Variants in TMEM132B observed in about 807,000 individuals in gnomAD.
The protein encoded by TMEM132B is transmembrane protein 132B.
A neutral mutation model predicts 90.8 loss-of-function variants in TMEM132B; 18 were observed. The ratio of observed to expected loss-of-function variants is 0.20; its 90% CI spans 0.14 to 0.29. The LOEUF is 0.29. TMEM132B is among the 10% of genes least tolerant of loss of function. The probability of loss-of-function intolerance (pLI) is 1.00; values close to 1 mark genes in which losing one functional copy is unlikely to be tolerated. For missense variants in TMEM132B, 1,096 were observed against 1,326.8 expected, an observed-to-expected ratio of 0.83 and a Z score of 2.70; for synonymous variants, 504 against 523.3, an observed-to-expected ratio of 0.96 and a Z score of 0.50.
At chr12:125,472,507 G>A (rs543145182) in intron 3 of TMEM132B, among the ~76,000 whole-genome samples, 2 of 152,306 alleles carry the variant, frequency 1.3e-5, no homozygotes, top group Middle Eastern at 6.8e-3. Context: ...TTAGAATCTT[G>A]TTCTAGGACC....
At chr12:125,242,242 CT>C (rs1428248038) in intron 1 of TMEM132B, among the ~76,000 whole-genome samples, 3 of 152,150 alleles carry the variant, frequency 2.0e-5, no homozygotes, top group African/African-American at 7.2e-5. Flanking sequence ...CCTCAACCTC[CT>C]GGGCTCAAGA....
rs1593047861 is a variant in TMEM132B, at chr12:125,652,706, G to A, written c.2106+74G>A. On this transcript the variant is annotated intron_variant, in intron 8 of 8. Coordinates refer to ENST00000682704, the MANE Select transcript of TMEM132B (RefSeq NM_001366854.1). ...CTCTCAGTTAGCACATCCTGCGAAG[G>A]AGAGCAGGAGAGCCCTCACGCCTAG... 2.7e-6 allele frequency: 4 copies of A among 1,487,488 alleles called. No individual in the cohort carries two copies. The East Asian group carries it at 9.3e-5, about 35-fold the overall frequency. The allele number at this position is 1,487,488 out of a possible 1,614,324, so 92.1% of individuals were successfully genotyped here. A position where few individuals can be genotyped will look rare whatever the true frequency, so the allele number is the denominator to read the frequency against.
chr12:125,558,511 A>G (rs1181347897), intron 4 of TMEM132B, among the ~76,000 whole-genome samples: 2 of 152,216 alleles, frequency 1.3e-5, no homozygotes, highest in Admixed American at 6.5e-5. Context: ...CCTTAAATTT[A>G]GACTTTTGTG....
chr12:125,411,450 A>C (rs1204197907), intron 2 of TMEM132B, among the ~76,000 whole-genome samples: 1 of 151,822 alleles, frequency 6.6e-6, no homozygotes, highest in Non-Finnish European at 1.5e-5. Flanking sequence ...CCACCATGGC[A>C]TGGGTATACC....
chr12:125,229,900 G>A (rs1473636267), intron 1 of TMEM132B, among the ~76,000 whole-genome samples: 1 of 152,198 alleles, frequency 6.6e-6, no homozygotes, highest in Non-Finnish European at 1.5e-5. Context: ...TCATAATTTC[G>A]TCTAAAGGGT....
At position 125,234,367 on chromosome 12, in the gene TMEM132B, C is replaced by T. The variant is rs146062950; in HGVS notation, c.67+47501C>T. 6.0e-3 allele frequency among the ~76,000 whole-genome samples: 916 copies of T among 152,322 alleles called. 8 individuals carry two copies. The highest frequency in any genetic ancestry group is 0.021 in the African/African-American group (875 of 41,574). On this transcript the variant is annotated intron_variant, in intron 1 of 8. Transcript: ENST00000682704. ...ATGGCGCTTCCTCCCAACCTAATGA[C>T]TCAGCCCTGTGAACTAGAGAAGGTG...
At chr12:125,535,554 A>T (rs1291624124) in intron 4 of TMEM132B, among the ~76,000 whole-genome samples, 1 of 152,136 alleles carries the variant, frequency 6.6e-6, no homozygotes, top group East Asian at 1.9e-4. Flanking sequence ...TTTTTGTGAA[A>T]TTTTTTTAAT....
At chr12:125,214,957 C>A (rs1295142705) in intron 1 of TMEM132B, among the ~76,000 whole-genome samples, 1 of 152,214 alleles carries the variant, frequency 6.6e-6, no homozygotes, top group Non-Finnish European at 1.5e-5. Flanking sequence ...CCCTCTGAGA[C>A]TTCTGTTCTA....
intron 3 of TMEM132B, among the ~76,000 whole-genome samples, chr12:125,509,111 C>G (rs1051414052): frequency 6.6e-6 from 1 of 152,154 alleles, no homozygotes; most frequent in African/African-American, 2.4e-5. Context: ...GTGTGTGACT[C>G]TGCTCTTCAC....
chr12:125,467,271 T>A (rs1441914251), intron 3 of TMEM132B, among the ~76,000 whole-genome samples: 5 of 152,156 alleles, frequency 3.3e-5, no homozygotes, highest in African/African-American at 1.2e-4. Context: ...ATGGTGGGGT[T>A]GGGGATGGGG....
chr12:125,357,377 A>G (rs1395261851), intron 2 of TMEM132B, among the ~76,000 whole-genome samples: 1 of 152,166 alleles, frequency 6.6e-6, no homozygotes, highest in East Asian at 1.9e-4. Flanking sequence ...ATCAGATACC[A>G]TCATGTGCCA....
At chr12:125,238,987 A>G (rs1874002873) in intron 1 of TMEM132B, among the ~76,000 whole-genome samples, 1 of 152,096 alleles carries the variant, frequency 6.6e-6, no homozygotes, top group Non-Finnish European at 1.5e-5. Context: ...CTCTAGAGGG[A>G]GACTGAGTTT....
chr12:125,638,590 C>T (rs1179890401), intron 5 of TMEM132B, among the ~76,000 whole-genome samples: 1 of 151,780 alleles, frequency 6.6e-6, no homozygotes, highest in East Asian at 1.9e-4. Flanking sequence ...AACATACTAC[C>T]TGATTCTGTA....
At chr12:125,502,582 A>G (rs1882729320) in intron 3 of TMEM132B, among the ~76,000 whole-genome samples, 1 of 152,170 alleles carries the variant, frequency 6.6e-6, no homozygotes, top group African/African-American at 2.4e-5. Flanking sequence ...GATGTGCAGT[A>G]CTCTCGCGTG....
intron 1 of TMEM132B, among the ~76,000 whole-genome samples, chr12:125,307,840 T>G (rs576086874): frequency 0.013 from 488 of 36,674 alleles, 6 homozygotes; most frequent in African/African-American, 0.058. Context: ...ATACTTATAT[T>G]AATATATACT....
At chr12:125,600,019 T>C (rs932742313) in intron 5 of TMEM132B, among the ~76,000 whole-genome samples, 1 of 152,144 alleles carries the variant, frequency 6.6e-6, no homozygotes, top group Admixed American at 6.5e-5. Flanking sequence ...GGGGGCTAGA[T>C]TGTGATGGTT....
intron 1 of TMEM132B, among the ~76,000 whole-genome samples, chr12:125,216,935 A>G (rs1873451660): frequency 6.6e-6 from 1 of 152,168 alleles, no homozygotes; most frequent in Admixed American, 6.5e-5. Context: ...ACTGGCTGCG[A>G]TCTTGGCGCT....
intron 5 of TMEM132B, among the ~76,000 whole-genome samples, chr12:125,590,710 T>C (rs1371275270): frequency 2.0e-5 from 3 of 152,262 alleles, no homozygotes; most frequent in Non-Finnish European, 4.4e-5. Context: ...TTACTACAGC[T>C]AATGAGTATT....
At chr12:125,592,609 G>A (rs1366453223) in intron 5 of TMEM132B, among the ~76,000 whole-genome samples, 1 of 152,138 alleles carries the variant, frequency 6.6e-6, no homozygotes, top group Non-Finnish European at 1.5e-5. Context: ...AAAGCCTGAT[G>A]GAAAACATCA....
Sources: gnomAD v4.1 joint callset for allele counts (sites outside exome capture counted in the v4.1 genomes callset) on GRCh38, gnomAD v4.1.1 for gene constraint, MANE v1.5 for transcripts, NCBI Gene and HGNC (gene_info 2026-07-23, HGNC 2026-07-21) for gene names.